DPYSL4: variants seen among roughly 807,000 people sequenced by gnomAD.
The protein encoded by DPYSL4 is dihydropyrimidinase like 4.
DPYSL4 carries 43 observed loss-of-function variants against 63.4 expected under a neutral mutation model. The observed-to-expected ratio is 0.68, with a 90% CI of 0.53 to 0.88. DPYSL4 has a LOEUF of 0.88. Ranked by LOEUF, DPYSL4 falls within the 40% of genes least tolerant of loss-of-function variation. The pLI is 0.00. For missense variants in DPYSL4, 733 were observed against 819.5 expected, an observed-to-expected ratio of 0.89 and a Z score of 1.29; for synonymous variants, 353 against 331.7, an observed-to-expected ratio of 1.06 and a Z score of -0.70.
At chr10:132,189,574 C>T (rs747839485) in intron 1 of DPYSL4, among the ~76,000 whole-genome samples, 1 of 150,850 alleles carries the variant, frequency 6.6e-6, no homozygotes, top group South Asian at 2.1e-4. Flanking sequence ...GGAGTGCGTC[C>T]GAGCTGCACT....
In DPYSL4 at chr10:132,198,953, G is replaced by A. The variant is rs777931098; in HGVS notation, c.793G>A (p.Ala265Thr). ...VMSKGAADAI[A>T]QAKRRGVVVF... ...GAGCAAGGGGGCGGCCGACGCCATC[G>A]CTCAGGCCAAGCGCAGAGGTGAGCA... Residue 265 changes from alanine to threonine, a missense_variant, in exon 8 of 14, where the codon GCT (alanine) becomes ACT (threonine). By Grantham distance (58) the Ala-to-Thr change is moderately conservative. Transcript: ENST00000338492. The A allele has an allele frequency of 9.9e-6, 16 of 1,612,062 alleles. No homozygotes were observed. Among genetic ancestry groups the A allele is most frequent in the East Asian group, 4.5e-5 (2 of 44,878 alleles).
At position 132,194,937 on chromosome 10, in the gene DPYSL4, T is replaced by A. The variant is rs2061923644; in HGVS notation, c.406T>A (p.Ser136Thr). The change falls in exon 4 of 14, where the codon TCC (serine) becomes ACC (threonine). Residue 136 changes from serine to threonine, a missense_variant. Ser to Thr is a moderately conservative substitution (Grantham distance 58). Transcript: ENST00000338492. ...GGACAGCGCGGCCTGCTGCGACTAC[T>A]CCCTGCACGTGGACATCACCCGATG... is the stretch of plus-strand genomic sequence containing the variant. ...RADSAACCDY[S>T]LHVDITRWHE... 7 of 1,611,944 alleles carry A rather than the reference T, an allele frequency of 4.3e-6. No individual in the cohort carries two copies. Among genetic ancestry groups the A allele is most frequent in the Non-Finnish European group, 5.9e-6 (7 of 1,179,904 alleles).
chr10:132,194,956 C>T lies in DPYSL4; in HGVS notation c.425C>T (p.Thr142Ile). Residue 142 changes from threonine to isoleucine, a missense_variant, in exon 4 of 14, where the codon ACC (threonine) becomes ATC (isoleucine). Thr to Ile is a moderately conservative substitution (Grantham distance 89). Transcript: ENST00000338492. ...GACTACTCCCTGCACGTGGACATCA[C>T]CCGATGGCATGAGAGCATCAAGGAG... ...CCDYSLHVDI[T>I]RWHESIKEEL... is the part of the protein sequence containing the mutation. 6.2e-7 allele frequency: 1 copy of T among 1,611,150 alleles called. No homozygotes were observed. Among genetic ancestry groups the T allele is most frequent in the Non-Finnish European group, 8.5e-7 (1 of 1,179,904 alleles).
At chr10:132,199,053 CT>C (rs2061980115) in intron 8 of DPYSL4, 82 bp downstream of exon 8, 1 of 1,517,318 alleles carries the variant, frequency 6.6e-7, no homozygotes, top group Non-Finnish European at 8.9e-7. Flanking sequence ...TGCAGGTTCC[CT>C]GAGTCCCTGC....
chr10:132,196,794 G>A, intron 4 of DPYSL4, 67 bp from the exon 5 acceptor site: 3 of 1,573,452 alleles, frequency 1.9e-6, no homozygotes, highest in Admixed American at 1.7e-5. Context: ...GTGGGCAGGA[G>A]CAGCAGAGGC....
intron 3 of DPYSL4, 134 bp downstream of exon 3, chr10:132,192,976 T>C: frequency 1.1e-6 from 1 of 910,106 alleles, no homozygotes; most frequent in South Asian, 1.9e-5. Flanking sequence ...TGCATCTGTC[T>C]GAGAACCTGG....
intron 7 of DPYSL4, among the ~76,000 whole-genome samples, 177 bp downstream of exon 7, chr10:132,198,660 C>T (rs1332663603): frequency 6.6e-6 from 1 of 152,222 alleles, no homozygotes; most frequent in African/African-American, 2.4e-5. Flanking sequence ...CCCCCACAAC[C>T]CTACAGCCTG....
chr10:132,201,946 G>A lies in DPYSL4; in HGVS notation c.1111G>A (p.Ala371Thr). The change falls in exon 11 of 14, where the codon GCC (alanine) becomes ACC (threonine). Residue 371 changes from alanine to threonine, a missense_variant and splice_region_variant. Physicochemically the swap from Ala to Thr is moderately conservative, Grantham distance 58. Coordinates refer to ENST00000338492, the MANE Select transcript of DPYSL4 (RefSeq NM_006426.3). ...TCAGCTCAGCCTTCTTGTTCCCCAG[G>A]CCTCTGGGAAGATGGACGAGAATGA... ...RMSMVWEKCV[A>T]SGKMDENEFV... 6.2e-7 allele frequency: 1 copy of A among 1,610,874 alleles called. No homozygotes were observed. The highest frequency in any genetic ancestry group is 8.5e-7 in the Non-Finnish European group (1 of 1,178,318).
At chr10:132,196,332 C>G (rs1403757210) in intron 4 of DPYSL4, among the ~76,000 whole-genome samples, 1 of 152,218 alleles carries the variant, frequency 6.6e-6, no homozygotes, top group Non-Finnish European at 1.5e-5. Context: ...CCTCATCCTT[C>G]TGCTCGTCCT....
chr10:132,204,851 A>AT lies in DPYSL4; in HGVS notation c.1641dup (p.Asp548Ter). On this transcript the variant is annotated frameshift_variant, in exon 14 of 14. Transcript: ENST00000338492. LOFTEE classifies it high-confidence loss of function. ...GCCCTTTCTTCAGGGTCTCAGGCTG[A>AT]TGACCACATCGCCCGACGCACAGCA... The AT allele has an allele frequency of 6.2e-7, 1 of 1,610,906 alleles. No homozygotes were observed. The highest frequency in any genetic ancestry group is 8.5e-7 in the Non-Finnish European group (1 of 1,178,306).
intron 6 of DPYSL4, 69 bp downstream of exon 6, chr10:132,197,170 T>C (rs1590098401): frequency 7.3e-7 from 1 of 1,364,416 alleles, no homozygotes; most frequent in Non-Finnish European, 9.8e-7. Context: ...GCCTGTGGGG[T>C]GGGGCAGGGG....
In DPYSL4 at chr10:132,194,976, A is replaced by G. The variant is rs1385776758; in HGVS notation, c.445A>G (p.Lys149Glu). 56 of 1,608,754 alleles carry G rather than the reference A, an allele frequency of 3.5e-5. No homozygotes were observed. The highest frequency in any genetic ancestry group is 4.6e-5 in the Non-Finnish European group (54 of 1,179,850). ...VDITRWHESI[K>E]EELEALVKEK... The stretch of plus-strand genomic sequence containing the variant: ...CATCACCCGATGGCATGAGAGCATC[A>G]AGGAGGAGCTGGAGGCCCTGGTCAA... Residue 149 changes from lysine (K) to glutamate (E), a missense_variant, in exon 4 of 14, where the codon AAG becomes GAG. Physicochemically the swap from Lys to Glu is moderately conservative, Grantham distance 56. Coordinates refer to ENST00000338492, the MANE Select transcript of DPYSL4 (RefSeq NM_006426.3).
At chr10:132,196,578 G>C (rs1448065177) in intron 4 of DPYSL4, among the ~76,000 whole-genome samples, 3 of 152,276 alleles carry the variant, frequency 2.0e-5, no homozygotes, top group Non-Finnish European at 4.4e-5. Flanking sequence ...ATGGGTGTGA[G>C]GGGTTCTCAC....
chr10:132,204,813 C>T (rs760815973), intron 13 of DPYSL4, 26 bp from the exon 14 acceptor site: 122 of 1,585,038 alleles, frequency 7.7e-5, no homozygotes, highest in Non-Finnish European at 1.0e-4. Context: ...CTCATTCTCC[C>T]CTGCCCATCT....
chr10:132,189,226 C>T (rs961866264), intron 1 of DPYSL4, among the ~76,000 whole-genome samples: 4 of 152,232 alleles, frequency 2.6e-5, no homozygotes, highest in Non-Finnish European at 5.9e-5. Flanking sequence ...AGTTGCAGGG[C>T]GTGCTGAGGC....
intron 10 of DPYSL4, 90 bp from the exon 11 acceptor site, chr10:132,201,856 T>C (rs901115672): frequency 7.2e-7 from 1 of 1,386,870 alleles, no homozygotes; most frequent in Non-Finnish European, 9.9e-7. Context: ...CATCCATCCT[T>C]GTGGGGTCCT....
In DPYSL4 at chr10:132,201,337, C is replaced by A. The variant is rs575465057; in HGVS notation, c.1110+354C>A. On this transcript the variant is annotated intron_variant, in intron 10 of 13. Transcript: ENST00000338492. ...CCGTCGCACACCGCCCTGTCCTGCG[C>A]CCTCCCGCATCCTCAGCCCCACCTC... Among the ~76,000 whole-genome samples the A allele has an allele frequency of 1.3e-4, 20 of 152,314 alleles. No individual in the cohort carries two copies. The South Asian group carries it at 4.1e-3, about 32-fold the overall frequency.
intron 11 of DPYSL4, among the ~76,000 whole-genome samples, 185 bp from the exon 12 acceptor site, chr10:132,202,461 G>A (rs138503637): frequency 2.5e-4 from 38 of 152,354 alleles, no homozygotes; most frequent in Non-Finnish European, 5.0e-4. Context: ...AACGAGGTCC[G>A]TAGGCCGAGG....
intron 1 of DPYSL4, among the ~76,000 whole-genome samples, chr10:132,189,520 T>A (rs1300411111): frequency 6.6e-6 from 1 of 152,168 alleles, no homozygotes; most frequent in Non-Finnish European, 1.5e-5. Context: ...AGGGCTGACC[T>A]ACAAAGAGCG....
Sources: allele counts gnomAD v4.1 joint callset (sites outside exome capture counted in the v4.1 genomes callset), GRCh38; gene constraint gnomAD v4.1.1; transcripts MANE v1.5; gene names NCBI Gene and HGNC (gene_info 2026-07-23, HGNC 2026-07-21).